Variants in CREG2 observed in about 807,000 individuals in gnomAD.
CREG2 encodes cellular repressor of E1A stimulated genes 2.
A neutral mutation model predicts 26.2 loss-of-function variants in CREG2; 24 were observed. The observed-to-expected ratio is 0.92, with a 90% CI of 0.66 to 1.29. The LOEUF (loss-of-function observed/expected upper bound fraction) is 1.29, where lower values mean the gene tolerates loss of function less well. CREG2 is among the 50% of genes most tolerant of loss of function. The probability of loss-of-function intolerance (pLI) is 0.00; values close to 1 mark genes in which losing one functional copy is unlikely to be tolerated. For synonymous variants in CREG2, 174 were observed against 169.2 expected (o/e 1.03, Z -0.22); for missense variants, 366 against 398.6 (o/e 0.92, Z 0.70).
chr2:101,367,943 G>T (rs1470575495), intron 2 of CREG2, among the ~76,000 whole-genome samples: 1 of 152,180 alleles, frequency 6.6e-6, no homozygotes, highest in African/African-American at 2.4e-5. Flanking sequence ...CCCACACCTT[G>T]GTTTTAGCTT....
rs1231256382 is a variant in CREG2 at position 101,383,644 on chromosome 2, C to G, written c.500G>C (p.Ser167Thr). Reference protein sequence around the residue: ...LPVSDGPFNNSTGIPFFYMTA... With the variant: ...LPVSDGPFNNTTGIPFFYMTA... ...CATGTAGAAGAAAGGAATCCCAGTG[C>G]TATTGTTGAAGGGGCCATCACTGAC... The change falls in exon 2 of 4, where the codon AGC (serine) becomes ACC (threonine). Residue 167 changes from serine (S) to threonine (T), a missense_variant. Around this residue, in one of 3 missense-constraint regions of CREG2, gnomAD observed 174 missense variants for 178.2 expected, o/e 0.98. Coordinates refer to ENST00000324768, the MANE Select transcript of CREG2 (RefSeq NM_153836.4). 6.2e-7 allele frequency: 1 copy of G among 1,613,894 alleles called. No individual in the cohort carries two copies. The highest frequency in any genetic ancestry group is 8.5e-7 in the Non-Finnish European group (1 of 1,179,944).
At chr2:101,381,747 C>T (rs1684877414) in intron 2 of CREG2, among the ~76,000 whole-genome samples, 2 of 152,322 alleles carry the variant, frequency 1.3e-5, no homozygotes, top group South Asian at 2.1e-4. Context: ...TGCCCTTGGC[C>T]CCGGGGTGCT....
chr2:101,354,648 G>A (rs1458066187), intron 3 of CREG2, among the ~76,000 whole-genome samples: 2 of 152,150 alleles, frequency 1.3e-5, no homozygotes, highest in Admixed American at 6.5e-5. Flanking sequence ...GCGTGCATGC[G>A]CGGTCCTCTG....
chr2:101,359,260 C>T (rs2104472764), intron 2 of CREG2, among the ~76,000 whole-genome samples: 1 of 152,328 alleles, frequency 6.6e-6, no homozygotes, highest in Admixed American at 6.5e-5. Flanking sequence ...TGCATCCCTT[C>T]TCTCTGATTC....
intron 3 of CREG2, 129 bp downstream of exon 3, chr2:101,355,124 C>T: frequency 1.5e-6 from 1 of 652,470 alleles, no homozygotes; most frequent in Non-Finnish European, 2.8e-6. Flanking sequence ...CTGAGCTTGG[C>T]CCTATTCCCA....
chr2:101,381,861 C>G (rs1185019553), intron 2 of CREG2, among the ~76,000 whole-genome samples: 1 of 152,210 alleles, frequency 6.6e-6, no homozygotes, highest in African/African-American at 2.4e-5. Flanking sequence ...ATACGTGGCT[C>G]TAGGCTGTGC....
chr2:101,384,547 G>C lies in CREG2; in HGVS notation c.442-845C>G, dbSNP rs72825053. Among the ~76,000 whole-genome samples the C allele has an allele frequency of 6.1e-3, 928 of 152,252 alleles. 6 individuals carry two copies. Among genetic ancestry groups the C allele is most frequent in the Middle Eastern group, 0.014 (4 of 294 alleles). ...GAGGTACTGAGTGAATTGTCCCTCT[G>C]TTAGTTTCCTTGAGAGTTCCCCTGA... On this transcript the variant is annotated intron_variant, in intron 1 of 3. Transcript: ENST00000324768.
chr2:101,359,335 G>A (rs541954053), intron 2 of CREG2, among the ~76,000 whole-genome samples: 7 of 152,324 alleles, frequency 4.6e-5, no homozygotes, highest in African/African-American at 1.7e-4. Flanking sequence ...AGCATGCACA[G>A]TGCATTTATG....
chr2:101,351,132 A>G, intron 3 of CREG2, 62 bp from the exon 4 acceptor site: 1 of 1,533,476 alleles, frequency 6.5e-7, no homozygotes, highest in Non-Finnish European at 8.9e-7. Flanking sequence ...ACCCTGGGCC[A>G]AGTCATAGGA....
chr2:101,373,954 C>T (rs558147830), intron 2 of CREG2, among the ~76,000 whole-genome samples: 6 of 152,256 alleles, frequency 3.9e-5, no homozygotes. Flanking sequence ...GCAGCCTCAA[C>T]TGCCTGGGCT....
At chr2:101,386,395 T>C (rs1684967145) in intron 1 of CREG2, among the ~76,000 whole-genome samples, 1 of 152,260 alleles carries the variant, frequency 6.6e-6, no homozygotes, top group African/African-American at 2.4e-5. Flanking sequence ...CATGTCATTC[T>C]AGGTGGAATC....
Position 101,382,614 on chromosome 2 carries a change from C to T in CREG2, c.611+919G>A, listed in dbSNP as rs77098227. 5,768 of 985,312 alleles carry T rather than the reference C, an allele frequency of 5.9e-3. 100 individuals carry two copies. In the East Asian group the frequency reaches 0.065, roughly 11 times the overall value. The allele number at this position is 985,312 out of a possible 1,614,324, so 61.0% of individuals were successfully genotyped here. ...GCTGAAGTGTCTCCATGTGGTCTGT[C>T]GTGGCTGAGGGGAAACAATGGCTTA... On this transcript the variant is annotated intron_variant, in intron 2 of 3. Coordinates refer to ENST00000324768, the MANE Select transcript of CREG2 (RefSeq NM_153836.4).
Position 101,348,066 on chromosome 2 carries a change from T to C in CREG2, c.*2857A>G, listed in dbSNP as rs974885800. On this transcript the variant is annotated 3_prime_UTR_variant, in exon 4 of 4. Transcript: ENST00000324768. ...CACACTTATTGAAAAGGCTATCCTC[T>C]GTTGAATTAGTTTTGTACTTTTGTA... 10 of 152,348 alleles carry C rather than the reference T, an allele frequency of 6.6e-5. No individual in the cohort carries two copies. The highest frequency in any genetic ancestry group is 1.9e-4 in the African/African-American group (8 of 41,582). The allele number at this position is 152,348 out of a possible 1,614,324, so 9.4% of individuals were successfully genotyped here.
At chr2:101,386,988 C>A (rs1684978264) in intron 1 of CREG2, 29 bp downstream of exon 1, 2 of 1,232,240 alleles carry the variant, frequency 1.6e-6, no homozygotes, top group South Asian at 4.1e-5. Context: ...GAATGCCAGG[C>A]CCCCTCGCGC....
chr2:101,359,494 C>T (rs1374214140), intron 2 of CREG2, among the ~76,000 whole-genome samples: 2 of 152,208 alleles, frequency 1.3e-5, no homozygotes, highest in Non-Finnish European at 2.9e-5. Context: ...AGTAGGAAGT[C>T]GCTGATCACC....
intron 2 of CREG2, among the ~76,000 whole-genome samples, chr2:101,370,222 T>C (rs927537967): frequency 6.6e-6 from 1 of 152,214 alleles, no homozygotes; most frequent in African/African-American, 2.4e-5. Context: ...CTATAACTCT[T>C]CATGTATACC....
chr2:101,353,373 C>A (rs993471703), intron 3 of CREG2, among the ~76,000 whole-genome samples: 2 of 152,318 alleles, frequency 1.3e-5, no homozygotes, highest in East Asian at 3.9e-4. Flanking sequence ...CAAAGCTCAT[C>A]ATCACTGGTC....
intron 2 of CREG2, among the ~76,000 whole-genome samples, chr2:101,360,991 T>C (rs1281948796): frequency 6.6e-6 from 1 of 152,208 alleles, no homozygotes; most frequent in Non-Finnish European, 1.5e-5. Context: ...AATGATACTG[T>C]CATTAGTTGC....
At chr2:101,357,562 C>T (rs994432596) in intron 2 of CREG2, among the ~76,000 whole-genome samples, 2 of 152,150 alleles carry the variant, frequency 1.3e-5, no homozygotes, top group Admixed American at 1.3e-4. Context: ...TAATATTAGT[C>T]ACTTACATTC....
Sources: allele counts gnomAD v4.1 joint callset (sites outside exome capture counted in the v4.1 genomes callset), GRCh38; gene constraint gnomAD v4.1.1; regional missense constraint gnomAD v4.1.1; transcripts MANE v1.5; gene names NCBI Gene and HGNC (gene_info 2026-07-23, HGNC 2026-07-21).